The following SVEP1 variants were observed in gnomAD, a reference collection of about 807,000 sequenced individuals.
SVEP1 encodes sushi, von Willebrand factor type A, EGF and pentraxin domain containing 1, also known as sushi, von Willebrand factor type A, EGF and pentraxin domain-containing protein 1.
SVEP1 carries 164 observed loss-of-function variants against 367.3 expected under a neutral mutation model. The observed-to-expected ratio is 0.45, with a 90% CI of 0.39 to 0.51. The LOEUF is 0.51. Ranked by LOEUF, SVEP1 falls within the 20% of genes least tolerant of loss-of-function variation. SVEP1 has a pLI of 0.00. For missense variants in SVEP1, 4,117 were observed against 4,425.3 expected, an observed-to-expected ratio of 0.93 and a Z score of 1.98; for synonymous variants, 1,666 against 1,611.6, an observed-to-expected ratio of 1.03 and a Z score of -0.81.
chr9:110,505,712 T>C (rs1308339300), intron 5 of SVEP1, among the ~76,000 whole-genome samples: 5 of 152,046 alleles, frequency 3.3e-5, no homozygotes, highest in African/African-American at 1.2e-4. Context: ...CTCTCTCTCT[T>C]TCTCTCACAC....
chr9:110,517,139 G>T (rs1829814336), intron 3 of SVEP1, among the ~76,000 whole-genome samples: 1 of 152,148 alleles, frequency 6.6e-6, no homozygotes, highest in Admixed American at 6.6e-5. Context: ...GACATTCGAG[G>T]ATGTGCATAG....
Position 110,387,454 on chromosome 9 carries a change from G to T in SVEP1, c.9891C>A (p.Thr3297=). 2 of 1,599,996 alleles carry T rather than the reference G, an allele frequency of 1.3e-6. No individual in the cohort carries two copies. Among genetic ancestry groups the T allele is most frequent in the Non-Finnish European group, 1.7e-6 (2 of 1,176,064 alleles). ...WSGGVAICKE[T]RCETPLEFLN... ...GAAATTCAAGTGGAGTTTCACACCT[G>T]GTCTCTAAAAACAAGAATAAAAGCC... The change falls in exon 42 of 48, where the codon ACC becomes ACA. Residue 3297 remains threonine (T), a synonymous_variant. Coordinates refer to ENST00000374469, the MANE Select transcript of SVEP1 (RefSeq NM_153366.4).
intron 1 of SVEP1, among the ~76,000 whole-genome samples, chr9:110,572,022 CT>C (rs1356866478): frequency 6.6e-6 from 1 of 152,216 alleles, no homozygotes. Flanking sequence ...GGCTTTACAT[CT>C]TGTGTAACAG....
intron 1 of SVEP1, among the ~76,000 whole-genome samples, chr9:110,574,064 AAAT>A (rs1032536075): frequency 6.6e-6 from 1 of 152,212 alleles, no homozygotes; most frequent in African/African-American, 2.4e-5. Flanking sequence ...TTCTGACACC[AAAT>A]AATAATCATT....
intron 3 of SVEP1, among the ~76,000 whole-genome samples, chr9:110,524,182 T>C (rs1349671107): frequency 6.6e-6 from 1 of 152,096 alleles, no homozygotes; most frequent in East Asian, 1.9e-4. Flanking sequence ...AATATCCAGG[T>C]CCAAATGATT....
chr9:110,372,693 G>A (rs957724517), intron 46 of SVEP1, among the ~76,000 whole-genome samples: 1 of 152,146 alleles, frequency 6.6e-6, no homozygotes, highest in African/African-American at 2.4e-5. Context: ...ATAGGTGGAG[G>A]AAAGAGGAAG....
intron 38 of SVEP1, among the ~76,000 whole-genome samples, chr9:110,405,825 AT>A (rs1827946024): frequency 6.6e-6 from 1 of 152,226 alleles, no homozygotes; most frequent in Non-Finnish European, 1.5e-5. Context: ...TCATAAAGAA[AT>A]TTACTATCCT....
At chr9:110,415,194 G>A (rs1484306984) in intron 36 of SVEP1, among the ~76,000 whole-genome samples, 1 of 152,006 alleles carries the variant, frequency 6.6e-6, no homozygotes, top group Non-Finnish European at 1.5e-5. Flanking sequence ...TCTTTCCCTG[G>A]CATTCATTAT....
chr9:110,382,871 T>C (rs1279774224), intron 43 of SVEP1, among the ~76,000 whole-genome samples: 3 of 152,218 alleles, frequency 2.0e-5, no homozygotes, highest in Admixed American at 6.5e-5. Flanking sequence ...ACTTGTTGCA[T>C]TGTGAAGTTC....
In SVEP1 at chr9:110,380,917, G is replaced by A. The variant is rs887658557; in HGVS notation, c.10238-1400C>T. On this transcript the variant is annotated intron_variant, in intron 43 of 47. Coordinates refer to ENST00000374469, the MANE Select transcript of SVEP1 (RefSeq NM_153366.4). ...TCAGCTTTTTCCTGGTTCAGTCTTGGAAGGGTATATCTGTCTAGGAATTTA... is the reference window on the plus strand; with the variant it reads ...TCAGCTTTTTCCTGGTTCAGTCTTGAAAGGGTATATCTGTCTAGGAATTTA... 4.6e-5 allele frequency among the ~76,000 whole-genome samples: 7 copies of A among 152,254 alleles called. No individual in the cohort carries two copies. In the East Asian group the frequency reaches 5.8e-4, roughly 13 times the overall value.
chr9:110,498,436 A>G (rs923374816), intron 7 of SVEP1, among the ~76,000 whole-genome samples: 4 of 152,076 alleles, frequency 2.6e-5, no homozygotes, highest in African/African-American at 7.2e-5. Context: ...GGTTTGATCA[A>G]TTGGGAAATT....
chr9:110,373,606 C>T (rs1588017471), intron 46 of SVEP1, among the ~76,000 whole-genome samples: 1 of 152,086 alleles, frequency 6.6e-6, no homozygotes, highest in East Asian at 1.9e-4. Context: ...ATTAATACTT[C>T]ATAAATATAG....
chr9:110,579,248 A>G lies in SVEP1; in HGVS notation c.296T>C (p.Phe99Ser), dbSNP rs533514473. 4 of 1,570,894 alleles carry G rather than the reference A, an allele frequency of 2.5e-6. No individual in the cohort carries two copies. Among genetic ancestry groups the G allele is most frequent in the Non-Finnish European group, 3.5e-6 (4 of 1,159,238 alleles). ...GCGGACGAACATGAGCTCGCTGCGGAAGTTGACTTCGCCCACGCTGGACGA... is the reference window on the plus strand; with the variant it reads ...GCGGACGAACATGAGCTCGCTGCGGGAGTTGACTTCGCCCACGCTGGACGA... ...DDSSSVGEVN[F>S]RSELMFVRKL... Residue 99 changes from phenylalanine to serine, a missense_variant, in exon 1 of 48, where the codon TTC (phenylalanine) becomes TCC (serine). Physicochemically the swap from Phe to Ser is radical, Grantham distance 155. Around this residue, in one of 4 missense-constraint regions of SVEP1, gnomAD observed 161 missense variants for 122.4 expected, o/e 1.32. Coordinates refer to ENST00000374469, the MANE Select transcript of SVEP1 (RefSeq NM_153366.4). This position sits in a 1 kb window ranked among gnomAD's most constrained non-coding sequence, Gnocchi z 5.3.
At chr9:110,499,814 A>G (rs1426671689) in intron 6 of SVEP1, among the ~76,000 whole-genome samples, 1 of 152,206 alleles carries the variant, frequency 6.6e-6, no homozygotes, top group African/African-American at 2.4e-5. Flanking sequence ...TAATACAGGG[A>G]GTGCATGTGA....
chr9:110,446,374 G>T (rs1338404456), intron 25 of SVEP1, among the ~76,000 whole-genome samples: 1 of 152,176 alleles, frequency 6.6e-6, no homozygotes, highest in Non-Finnish European at 1.5e-5. Flanking sequence ...TAGAGAGGAA[G>T]TAATTGATGT....
Position 110,469,115 on chromosome 9 carries a change from A to G in SVEP1, c.2999-14T>C, listed in dbSNP as rs2118662562. 6.2e-7 allele frequency: 1 copy of G among 1,607,116 alleles called. No homozygotes were observed. Among genetic ancestry groups the G allele is most frequent in the East Asian group, 2.2e-5 (1 of 44,786 alleles). Reference sequence around the variant, plus strand: ...AAGGGCAATTGACTACAGAAAAAGCAAACAGGAAACACTGAATAAACTACA... The same window carrying G: ...AAGGGCAATTGACTACAGAAAAAGCGAACAGGAAACACTGAATAAACTACA... On this transcript the variant is annotated splice_polypyrimidine_tract_variant and intron_variant, in intron 16 of 47. Coordinates refer to ENST00000374469, the MANE Select transcript of SVEP1 (RefSeq NM_153366.4).
chr9:110,494,657 A>T (rs1829418390), intron 8 of SVEP1, among the ~76,000 whole-genome samples: 1 of 152,204 alleles, frequency 6.6e-6, no homozygotes, highest in Admixed American at 6.5e-5. Context: ...ACAAAGACTT[A>T]GTACAAGGAT....
rs1245970879 is a variant in SVEP1, at chr9:110,524,673, T to C, written c.965-10567A>G. 2.6e-5 allele frequency among the ~76,000 whole-genome samples: 4 copies of C among 151,470 alleles called. No individual in the cohort carries two copies. In the East Asian group the frequency reaches 7.7e-4, roughly 29 times the overall value. ...ACAGAAGAGAATTTACTCAACTCAATGAAGAGAAACCTCAAAATCATACAA... is the reference window on the plus strand; with the variant it reads ...ACAGAAGAGAATTTACTCAACTCAACGAAGAGAAACCTCAAAATCATACAA... On this transcript the variant is annotated intron_variant, in intron 3 of 47. Coordinates refer to ENST00000374469, the MANE Select transcript of SVEP1 (RefSeq NM_153366.4).
At chr9:110,555,054 C>A (rs771013721) in intron 1 of SVEP1, among the ~76,000 whole-genome samples, 39 of 152,230 alleles carry the variant, frequency 2.6e-4, no homozygotes, top group Non-Finnish European at 4.3e-4. Flanking sequence ...AATAAACTTG[C>A]TTTCTGTCTG....
Sources: gnomAD v4.1 joint callset for allele counts (sites outside exome capture counted in the v4.1 genomes callset) on GRCh38, gnomAD v4.1.1 for gene constraint, gnomAD v4.1.1 regional missense constraint, Gnocchi (gnomAD v3.1) non-coding constraint, MANE v1.5 for transcripts, NCBI Gene and HGNC (gene_info 2026-07-23, HGNC 2026-07-21) for gene names.